The following RIT2 variants were observed in gnomAD, a reference collection of about 807,000 sequenced individuals.
The protein encoded by RIT2 is Ras like without CAAX 2, also known as GTP-binding protein Rit2.
In RIT2, 24 loss-of-function variants were observed where a neutral mutation model predicts 23.7. That is an observed-to-expected ratio of 1.01 (90% confidence interval 0.73 to 1.43). The LOEUF (loss-of-function observed/expected upper bound fraction) is 1.43. RIT2 is among the 40% of genes most tolerant of loss of function. RIT2 has a pLI of 0.00. For synonymous variants in RIT2, 107 were observed against 91.1 expected (o/e 1.17, Z -0.99); for missense variants, 236 against 266.9 (o/e 0.88, Z 0.81).
At chr18:43,000,633 C>A (rs757144514) in intron 2 of RIT2, among the ~76,000 whole-genome samples, 1 of 151,920 alleles carries the variant, frequency 6.6e-6, no homozygotes, top group South Asian at 2.1e-4. Flanking sequence ...GTGATTGGAT[C>A]ATGAAGGTGG....
At chr18:42,961,311 G>C (rs1231369612) in intron 3 of RIT2, among the ~76,000 whole-genome samples, 1 of 152,102 alleles carries the variant, frequency 6.6e-6, no homozygotes, top group East Asian at 1.9e-4. Flanking sequence ...TATTAAAGTT[G>C]TTAGCAGTTA....
chr18:42,850,229 C>A (rs1452534585), intron 4 of RIT2, among the ~76,000 whole-genome samples: 2 of 152,018 alleles, frequency 1.3e-5, no homozygotes, highest in Non-Finnish European at 2.9e-5. Context: ...CGCTCTTTAC[C>A]TATCTGTTTA....
intron 2 of RIT2, among the ~76,000 whole-genome samples, chr18:43,021,365 C>G (rs1911593954): frequency 6.6e-6 from 1 of 151,884 alleles, no homozygotes; most frequent in African/African-American, 2.4e-5. Context: ...TAAGTATTAT[C>G]AAGTAGTGAA....
intron 4 of RIT2, among the ~76,000 whole-genome samples, chr18:42,781,715 C>A (rs1913815568): frequency 6.6e-6 from 1 of 152,164 alleles, no homozygotes; most frequent in Admixed American, 6.5e-5. Context: ...CTGTGACTCT[C>A]CTCGGTCTTG....
intron 4 of RIT2, among the ~76,000 whole-genome samples, chr18:42,792,143 T>G (rs1167909538): frequency 6.6e-6 from 1 of 152,224 alleles, no homozygotes; most frequent in Non-Finnish European, 1.5e-5. Flanking sequence ...TATTTAACCT[T>G]GGTTCCAACT....
chr18:43,108,504 A>G (rs547420114), intron 1 of RIT2, among the ~76,000 whole-genome samples: 1 of 152,254 alleles, frequency 6.6e-6, no homozygotes, highest in African/African-American at 2.4e-5. Context: ...AAATGCGTGA[A>G]CGTAAAGAGC....
chr18:42,885,912 G>A (rs1908011257), intron 4 of RIT2, among the ~76,000 whole-genome samples: 1 of 152,188 alleles, frequency 6.6e-6, no homozygotes, highest in African/African-American at 2.4e-5. Flanking sequence ...CCATAGAAGT[G>A]TACTGATTAC....
At chr18:42,815,379 C>T (rs897643030) in intron 4 of RIT2, among the ~76,000 whole-genome samples, 17 of 151,976 alleles carry the variant, frequency 1.1e-4, no homozygotes, top group African/African-American at 4.1e-4. Context: ...ATTCACAGCT[C>T]GAAGACAAGG....
In RIT2 at chr18:43,038,077, T is replaced by C. The variant is rs572276103; in HGVS notation, c.104-4210A>G. On this transcript the variant is annotated intron_variant, in intron 1 of 4. Coordinates refer to ENST00000326695, the MANE Select transcript of RIT2 (RefSeq NM_002930.4). ...AAAATGGGCTGGGCATGGTGGTGGG[T>C]GCCTGTAATCCTAGCTACTCGGGAG... is the stretch of plus-strand genomic sequence containing the variant. Among the ~76,000 whole-genome samples the C allele has an allele frequency of 1.9e-4, 29 of 151,608 alleles. No individual in the cohort carries two copies. In the South Asian group the frequency reaches 4.8e-3, roughly 25 times the overall value.
At chr18:42,885,279 C>A (rs1443709971) in intron 4 of RIT2, among the ~76,000 whole-genome samples, 1 of 152,236 alleles carries the variant, frequency 6.6e-6, no homozygotes, top group South Asian at 2.1e-4. Flanking sequence ...TAGAAATATT[C>A]TCTAGTTAAA....
At chr18:42,771,284 C>A (rs957199403) in intron 4 of RIT2, among the ~76,000 whole-genome samples, 1 of 152,104 alleles carries the variant, frequency 6.6e-6, no homozygotes, top group South Asian at 2.1e-4. Context: ...ATGTCATTTT[C>A]TCTTATGTTT....
At chr18:42,857,353 C>T (rs1907214744) in intron 4 of RIT2, among the ~76,000 whole-genome samples, 1 of 152,246 alleles carries the variant, frequency 6.6e-6, no homozygotes, top group South Asian at 2.1e-4. Context: ...CTATGTGATT[C>T]TTTTCAGCTC....
At chr18:42,860,853 C>G (rs901382214) in intron 4 of RIT2, among the ~76,000 whole-genome samples, 3 of 152,116 alleles carry the variant, frequency 2.0e-5, no homozygotes, top group Non-Finnish European at 4.4e-5. Flanking sequence ...GGATGGCAAG[C>G]ACCTGCGCAG....
At chr18:42,910,146 A>G (rs181357028) in intron 4 of RIT2, among the ~76,000 whole-genome samples, 26 of 152,296 alleles carry the variant, frequency 1.7e-4, no homozygotes, top group African/African-American at 6.3e-4. Context: ...TTTTCAAGTT[A>G]TCCACAGTTA....
intron 3 of RIT2, among the ~76,000 whole-genome samples, chr18:42,956,299 A>G (rs146068482): frequency 1.3e-5 from 2 of 152,226 alleles, no homozygotes; most frequent in Admixed American, 1.3e-4. Context: ...AATCTAGCCA[A>G]CCCTGGCTCA....
chr18:43,057,718 C>T (rs974407546), intron 1 of RIT2, among the ~76,000 whole-genome samples: 1 of 151,370 alleles, frequency 6.6e-6, no homozygotes, highest in Non-Finnish European at 1.5e-5. Flanking sequence ...CATATTCCAC[C>T]CAGGAACATC....
intron 2 of RIT2, among the ~76,000 whole-genome samples, chr18:43,013,272 G>T (rs1445292444): frequency 2.0e-5 from 3 of 151,830 alleles, no homozygotes; most frequent in East Asian, 3.9e-4. Flanking sequence ...AACCACAATG[G>T]TTTATTTTTT....
chr18:43,070,856 T>G (rs1912882063), intron 1 of RIT2, among the ~76,000 whole-genome samples: 1 of 152,192 alleles, frequency 6.6e-6, no homozygotes, highest in Non-Finnish European at 1.5e-5. Context: ...TCCACATGCT[T>G]TCTGCAATTA....
chr18:43,019,106 T>C (rs2144263571), intron 2 of RIT2, among the ~76,000 whole-genome samples: 1 of 152,064 alleles, frequency 6.6e-6, no homozygotes, highest in East Asian at 1.9e-4. Flanking sequence ...ACTGGCTGAA[T>C]AGATTTTTTT....
Sources: gnomAD v4.1 joint callset for allele counts (sites outside exome capture counted in the v4.1 genomes callset) on GRCh38, gnomAD v4.1.1 for gene constraint, MANE v1.5 for transcripts, NCBI Gene and HGNC (gene_info 2026-07-23, HGNC 2026-07-21) for gene names.